The following USP19 variants were observed in gnomAD, a reference collection of about 807,000 sequenced individuals.
USP19 encodes the protein ubiquitin specific peptidase 19, also known as ubiquitin carboxyl-terminal hydrolase 19.
USP19 carries 40 observed loss-of-function variants against 144.8 expected under a neutral mutation model. That is an observed-to-expected ratio of 0.28 (90% CI 0.21 to 0.36). The LOEUF (loss-of-function observed/expected upper bound fraction) is 0.36, where lower values mean the gene tolerates loss of function less well. USP19 is among the 10% of genes least tolerant of loss of function. USP19 has a pLI of 1.00. For synonymous variants in USP19, 701 were observed against 709.3 expected (o/e 0.99, Z 0.19); for missense variants, 1,518 against 1,822.5 (o/e 0.83, Z 3.04).
intron 26 of USP19, among the ~76,000 whole-genome samples, chr3:49,109,397 C>A (rs1427519222): frequency 6.6e-6 from 1 of 151,996 alleles, no homozygotes; most frequent in Non-Finnish European, 1.5e-5. Context: ...TTTTGGCCTA[C>A]CCTAAACAGC....
Position 49,108,471 on chromosome 3 carries a change from A to C in USP19, c.4096T>G (p.Phe1366Val), listed in dbSNP as rs2107149996. Reference sequence around the variant, plus strand: ...GCTGGCCGATCCACAGGGGGGGCGAAGCGTTCAGGGGCTGTCCGCGTGGGG... The same window carrying C: ...GCTGGCCGATCCACAGGGGGGGCGACGCGTTCAGGGGCTGTCCGCGTGGGG... ...VAPTRTAPERFAPPVDRPAPT... is the reference protein window; with the variant it reads ...VAPTRTAPERVAPPVDRPAPT... The change falls in exon 27 of 27, where the codon TTC becomes GTC. Residue 1366 changes from phenylalanine to valine, a missense_variant. Physicochemically the swap from Phe to Val is conservative, Grantham distance 50 (BLOSUM62 -1). Around this residue, in one of 5 missense-constraint regions of USP19, gnomAD observed 118 missense variants for 100.2 expected, o/e 1.18. Transcript: ENST00000417901. This position sits in a 1 kb window ranked among gnomAD's most constrained non-coding sequence, Gnocchi z 4.8. 3 of 1,341,454 alleles carry C rather than the reference A, an allele frequency of 2.2e-6. No individual in the cohort carries two copies. The highest frequency in any genetic ancestry group is 3.1e-5 in the African/African-American group (2 of 65,080). The allele number at this position is 1,341,454 out of a possible 1,614,324, so 83.1% of individuals were successfully genotyped here. A position where few individuals can be genotyped will look rare whatever the true frequency, so the allele number is the denominator to read the frequency against.
chr3:49,118,293 C>T (rs2044534306), intron 2 of USP19, among the ~76,000 whole-genome samples, 173 bp from the exon 3 acceptor site: 1 of 149,658 alleles, frequency 6.7e-6, no homozygotes, highest in Admixed American at 6.7e-5. Flanking sequence ...AAGGGACAGG[C>T]ACGGTGGTTC....
chr3:49,113,391 C>T lies in USP19; in HGVS notation c.2505+601G>A, dbSNP rs138015912. 5.2e-3 allele frequency among the ~76,000 whole-genome samples: 786 copies of T among 151,788 alleles called. 8 individuals are homozygous for T. Among genetic ancestry groups the T allele is most frequent in the African/African-American group, 0.018 (749 of 41,354 alleles). On this transcript the variant is annotated intron_variant, in intron 17 of 26. Coordinates refer to ENST00000417901, the MANE Select transcript of USP19 (RefSeq NM_001199161.2). ...TCCCAGGTTCAAGCGATTCTCCTGC[C>T]TCAGCCTCCTGAGCAGCTGGGACTA...
chr3:49,108,337 G>A lies in USP19; in HGVS notation c.*75C>T. On this transcript the variant is annotated 3_prime_UTR_variant, in exon 27 of 27. Transcript: ENST00000417901. The surrounding 1 kb of genome is among the most constrained non-coding windows in gnomAD (Gnocchi z 4.8). ...CAGAGCCAGTGTCCTCTGGGTTAGAGAAGGAGAAGCGGCAAGGAGCTGGCC... is the reference window on the plus strand; with the variant it reads ...CAGAGCCAGTGTCCTCTGGGTTAGAAAAGGAGAAGCGGCAAGGAGCTGGCC... 1 of 484,548 alleles carries A rather than the reference G, an allele frequency of 2.1e-6. No homozygotes were observed. Among genetic ancestry groups the A allele is most frequent in the South Asian group, 3.0e-5 (1 of 33,174 alleles). 30.0% of individuals were successfully genotyped at this position (484,548 alleles called of 1,614,324 possible).
chr3:49,119,683 T>C (rs1395623522), intron 1 of USP19, among the ~76,000 whole-genome samples: 2 of 152,058 alleles, frequency 1.3e-5, no homozygotes, highest in East Asian at 3.9e-4. Context: ...AAATAGAAGG[T>C]GGAGGAGGAA....
Position 49,110,837 on chromosome 3 carries a change from C to T in USP19, c.3572G>A (p.Arg1191His), listed in dbSNP as rs2043044467. 5.6e-6 allele frequency: 9 copies of T among 1,614,204 alleles called. No individual in the cohort carries two copies. Among genetic ancestry groups the T allele is most frequent in the Non-Finnish European group, 7.6e-6 (9 of 1,180,050 alleles). ...AWYCPQCKQH[R>H]EASKQLLLWR... ...TAGCAACAGCTGCTTGGAGGCCTCA[C>T]GGTGCTGTTTGCACTGTGGGCAGTA... Residue 1191 changes from arginine to histidine, a missense_variant, in exon 24 of 27, where the codon CGT (arginine) becomes CAT (histidine). Transcript: ENST00000417901. This position sits in a 1 kb window ranked among gnomAD's most constrained non-coding sequence, Gnocchi z 6.1.
At chr3:49,113,912 T>C in intron 17 of USP19, 80 bp downstream of exon 17, 1 of 1,465,362 alleles carries the variant, frequency 6.8e-7, no homozygotes, top group Non-Finnish European at 9.5e-7. Context: ...TGTCTGTAGA[T>C]GCCAATGACT....
chr3:49,110,412 C>T lies in USP19; in HGVS notation c.3859+32G>A, dbSNP rs2042970705. On this transcript the variant is annotated intron_variant, in intron 25 of 26. Transcript: ENST00000417901. This position sits in a 1 kb window ranked among gnomAD's most constrained non-coding sequence, Gnocchi z 6.1. The stretch of plus-strand genomic sequence containing the variant: ...AACAAAGTCTGCACCACCACCCCTA[C>T]CACCTATCCTGCTGGCTGTGTGTGC... 6.2e-7 allele frequency: 1 copy of T among 1,609,672 alleles called. No individual in the cohort carries two copies. Among genetic ancestry groups the T allele is most frequent in the Non-Finnish European group, 8.5e-7 (1 of 1,177,136 alleles).
At position 49,110,302 on chromosome 3, in the gene USP19, C is replaced by T. The variant is rs968370943; in HGVS notation, c.3920G>A (p.Arg1307His). ...GCGGTAGAAGAGTACATAGGCATAA[C>T]GCGTCACAACCTGGCTCTCGTCTAC... ...TTVDESQVVTRYAYVLFYRRR... is the reference protein window; with the variant it reads ...TTVDESQVVTHYAYVLFYRRR... The change falls in exon 26 of 27, where the codon CGT (arginine) becomes CAT (histidine). Residue 1307 changes from arginine (R) to histidine (H), a missense_variant. By Grantham distance (29) the Arg-to-His change is conservative (BLOSUM62 0). Coordinates refer to ENST00000417901, the MANE Select transcript of USP19 (RefSeq NM_001199161.2). The surrounding 1 kb of genome is among the most constrained non-coding windows in gnomAD (Gnocchi z 6.1). 5.0e-6 allele frequency: 8 copies of T among 1,607,784 alleles called. No individual in the cohort carries two copies. Among genetic ancestry groups the T allele is most frequent in the Non-Finnish European group, 6.8e-6 (8 of 1,176,112 alleles).
rs766846993 is a variant in USP19, at chr3:49,117,660, C to T, written c.469G>A (p.Ala157Thr). 22 of 1,614,084 alleles carry T rather than the reference C, an allele frequency of 1.4e-5. No homozygotes were observed. In the Admixed American group the frequency reaches 3.7e-4, roughly 27 times the overall value. The change falls in exon 4 of 27, where the codon GCA (alanine) becomes ACA (threonine). Residue 157 changes from alanine (A) to threonine (T), a missense_variant. Physicochemically the swap from Ala to Thr is moderately conservative, Grantham distance 58. Transcript: ENST00000417901. This position sits in a 1 kb window ranked among gnomAD's most constrained non-coding sequence, Gnocchi z 4.4. ...FTDTDCVVRF[A>T]GGQQWGGVFY... ...TGCTCAGGGCAGATGGACACACCTG[C>T]AAACCGCACCACACAGTCTGTATCT...
At chr3:49,113,539 A>C (rs1297369648) in intron 17 of USP19, among the ~76,000 whole-genome samples, 1 of 151,810 alleles carries the variant, frequency 6.6e-6, no homozygotes, top group Non-Finnish European at 1.5e-5. Flanking sequence ...TGGCCTCCCA[A>C]AGAGCTGGGA....
intron 26 of USP19, chr3:49,109,217 CG>C: frequency 6.9e-7 from 1 of 1,444,580 alleles, no homozygotes; most frequent in Non-Finnish European, 9.1e-7. Flanking sequence ...ATCAGCACCC[CG>C]GGGGTGGGGA....
In USP19 at chr3:49,118,262, C is replaced by T. The variant is rs370873266; in HGVS notation, c.125-142G>A. The T allele has an allele frequency of 9.2e-5, 34 of 371,470 alleles. No individual in the cohort carries two copies. The East Asian group carries it at 1.0e-3, about 11-fold the overall frequency. 23.0% of individuals were successfully genotyped at this position (371,470 alleles called of 1,614,324 possible). ...CAATCTGTGCAAGAGTGAGACCCTG[C>T]CTTTAAAAAAAAAAAAAAAAAAGGG... is the stretch of plus-strand genomic sequence containing the variant. On this transcript the variant is annotated intron_variant, in intron 2 of 26. Coordinates refer to ENST00000417901, the MANE Select transcript of USP19 (RefSeq NM_001199161.2).
chr3:49,115,718 T>C lies in USP19; in HGVS notation c.1692+6A>G. 6.2e-7 allele frequency: 1 copy of C among 1,608,136 alleles called. No homozygotes were observed. Among genetic ancestry groups the C allele is most frequent in the South Asian group, 1.1e-5 (1 of 90,740 alleles). On this transcript the variant is annotated splice_donor_region_variant and intron_variant, in intron 11 of 26. Coordinates refer to ENST00000417901, the MANE Select transcript of USP19 (RefSeq NM_001199161.2). This position sits in a 1 kb window ranked among gnomAD's most constrained non-coding sequence, Gnocchi z 6.6. The stretch of plus-strand genomic sequence containing the variant: ...TTCTTCGTCCTTCCCACCCCAGAAT[T>C]CTCACCGAGGCCAGGTGTGTCTCTG...
rs1575445148 is a variant in USP19, at chr3:49,112,442, T to G, written c.2647-40A>C. The G allele has an allele frequency of 1.2e-6, 2 of 1,613,812 alleles. No individual in the cohort carries two copies. The highest frequency in any genetic ancestry group is 1.7e-6 in the Non-Finnish European group (2 of 1,179,876). On this transcript the variant is annotated intron_variant, in intron 18 of 26. Transcript: ENST00000417901. The surrounding 1 kb of genome is among the most constrained non-coding windows in gnomAD (Gnocchi z 4.9). ...CTGGCTCAGCAAGACCAGGAAGAAG[T>G]GCCCCACCCACCAGGGCGCTGTGCC...
At position 49,119,047 on chromosome 3, in the gene USP19, C is replaced by A. The variant is rs761791951; in HGVS notation, c.99G>T (p.Glu33Asp). The A allele has an allele frequency of 2.7e-5, 43 of 1,614,110 alleles. No homozygotes were observed. The highest frequency in any genetic ancestry group is 3.6e-5 in the Non-Finnish European group (43 of 1,180,048). ...KKKQKDRANQ[E>D]SKDGDPRKET... ...CTTTCCTAGGATCTCCATCCTTGCT[C>A]TCCTGGTTTGCTCGATCCTTCTGCT... is the stretch of plus-strand genomic sequence containing the variant. The change falls in exon 2 of 27, where the codon GAG becomes GAT. Residue 33 changes from glutamate to aspartate, a missense_variant. Transcript: ENST00000417901.
At chr3:49,118,143 T>G (rs2107547005) in intron 2 of USP19, 23 bp from the exon 3 acceptor site, 3 of 999,402 alleles carry the variant, frequency 3.0e-6, no homozygotes, top group South Asian at 1.6e-5. Flanking sequence ...TAAGAAAAAT[T>G]AGTCAAGCAT....
At position 49,116,025 on chromosome 3, in the gene USP19, T is replaced by C. The variant is rs367621933; in HGVS notation, c.1471+22A>G. The C allele has an allele frequency of 1.2e-5, 19 of 1,584,712 alleles. No homozygotes were observed. The highest frequency in any genetic ancestry group is 1.4e-5 in the Non-Finnish European group (16 of 1,169,840). ...GTCCTGGTCACGTGGAACTGGGCAA[T>C]GAAGGGAGCTCGTGTGCAGACCTCG... On this transcript the variant is annotated intron_variant, in intron 10 of 26. Transcript: ENST00000417901. This position sits in a 1 kb window ranked among gnomAD's most constrained non-coding sequence, Gnocchi z 5.0.
chr3:49,115,947 TA>T lies in USP19; in HGVS notation c.1472-4del. 3 of 1,552,394 alleles carry T rather than the reference TA, an allele frequency of 1.9e-6. No individual in the cohort carries two copies. The highest frequency in any genetic ancestry group is 2.1e-5 in the Admixed American group (1 of 48,350). ...AACCTTTGCACCACCCACTGCACCT[TA>T]AAAAGGGGGAATGAGAGGGCTGGTG... On this transcript the variant is annotated splice_polypyrimidine_tract_variant and splice_region_variant and intron_variant, in intron 10 of 26. Coordinates refer to ENST00000417901, the MANE Select transcript of USP19 (RefSeq NM_001199161.2). This position sits in a 1 kb window ranked among gnomAD's most constrained non-coding sequence, Gnocchi z 6.6.
Sources: gnomAD v4.1 joint callset for allele counts (sites outside exome capture counted in the v4.1 genomes callset) on GRCh38, gnomAD v4.1.1 for gene constraint, gnomAD v4.1.1 regional missense constraint, Gnocchi (gnomAD v3.1) non-coding constraint, MANE v1.5 for transcripts, NCBI Gene and HGNC (gene_info 2026-07-23, HGNC 2026-07-21) for gene names.